KCNB2: variants seen among roughly 807,000 people sequenced by gnomAD.
The protein encoded by KCNB2 is potassium voltage-gated channel subfamily B member 2.
A neutral mutation model predicts 61.5 loss-of-function variants in KCNB2; 15 were observed. The ratio of observed to expected loss-of-function variants is 0.24; its 90% CI spans 0.16 to 0.38. The LOEUF is 0.38. Among genes scored for constraint, KCNB2 ranks in the 10% least tolerant of loss-of-function variants. KCNB2 has a pLI of 1.00. For synonymous variants in KCNB2, 457 were observed against 446.0 expected, an observed-to-expected ratio of 1.02 and a Z score of -0.31; for missense variants, 828 against 1,125.2, an observed-to-expected ratio of 0.74 and a Z score of 3.78.
chr8:72,629,324 A>G (rs543267504), intron 2 of KCNB2, among the ~76,000 whole-genome samples: 33 of 152,306 alleles, frequency 2.2e-4, no homozygotes, highest in African/African-American at 7.5e-4. Flanking sequence ...CTCCGCTTCC[A>G]TCAGTCAGGT....
At position 72,936,635 on chromosome 8, in the gene KCNB2, A is replaced by G. The variant is rs1346287605; in HGVS notation, c.1280A>G (p.Gln427Arg). The change falls in exon 3 of 3, where the codon CAG becomes CGG. Residue 427 changes from glutamine (Q) to arginine (R), a missense_variant. Around this residue, in one of 4 missense-constraint regions of KCNB2, gnomAD observed 44 missense variants for 167.6 expected, o/e 0.26. Transcript: ENST00000523207. This position sits in a 1 kb window ranked among gnomAD's most constrained non-coding sequence, Gnocchi z 5.6. ...AATTTTTCTGAGTTTTACAAGGAGCAGAAACGCCAAGAGAAAGCAATTAAA... is the reference window on the plus strand; with the variant it reads ...AATTTTTCTGAGTTTTACAAGGAGCGGAAACGCCAAGAGAAAGCAATTAAA... ...VNNFSEFYKE[Q>R]KRQEKAIKRR... 6 of 1,614,216 alleles carry G rather than the reference A, an allele frequency of 3.7e-6. No individual in the cohort carries two copies. The highest frequency in any genetic ancestry group is 5.1e-6 in the Non-Finnish European group (6 of 1,180,030).
chr8:72,902,172 G>A (rs1038104407), intron 2 of KCNB2, among the ~76,000 whole-genome samples: 4 of 152,092 alleles, frequency 2.6e-5, no homozygotes, highest in African/African-American at 9.7e-5. Context: ...CAAGGTGGGG[G>A]TGGCACATAG....
intron 2 of KCNB2, among the ~76,000 whole-genome samples, chr8:72,859,256 C>T (rs1032348685): frequency 2.0e-5 from 3 of 152,096 alleles, no homozygotes; most frequent in Admixed American, 6.6e-5. Flanking sequence ...AGATTCCTCA[C>T]GTATAGCAAA....
intron 2 of KCNB2, among the ~76,000 whole-genome samples, chr8:72,890,843 A>G (rs371722088): frequency 2.0e-5 from 3 of 152,300 alleles, no homozygotes; most frequent in East Asian, 3.9e-4. Flanking sequence ...GTTACTGTCT[A>G]CTTAAATTGA....
At chr8:72,648,776 AAG>A (rs1806169426) in intron 2 of KCNB2, among the ~76,000 whole-genome samples, 1 of 152,144 alleles carries the variant, frequency 6.6e-6, no homozygotes, top group African/African-American at 2.4e-5. Flanking sequence ...GAAAAAAAGA[AAG>A]AAATTATAAT....
chr8:72,933,760 G>A (rs1379626342), intron 2 of KCNB2, among the ~76,000 whole-genome samples: 2 of 152,180 alleles, frequency 1.3e-5, no homozygotes, highest in African/African-American at 2.4e-5. Flanking sequence ...GAATCTATTA[G>A]CCAGGGATTT....
At chr8:72,796,717 G>GA (rs774173269) in intron 2 of KCNB2, among the ~76,000 whole-genome samples, 10 of 152,078 alleles carry the variant, frequency 6.6e-5, no homozygotes, top group Non-Finnish European at 1.0e-4. Context: ...ATGAATCAGG[G>GA]AAACAGTTTT....
chr8:72,619,006 G>C (rs1326879108), intron 2 of KCNB2: 1 of 318,472 alleles, frequency 3.1e-6, no homozygotes, highest in Non-Finnish European at 6.1e-6. Context: ...TTTGTTTTTA[G>C]AACATCCCTG....
intron 2 of KCNB2, among the ~76,000 whole-genome samples, chr8:72,841,361 C>CT (rs796222096): frequency 0.023 from 1,517 of 66,108 alleles, 51 homozygotes; most frequent in African/African-American, 0.075. Context: ...GTTTTCTTTT[C>CT]TTTTTTTTTT....
At chr8:72,601,727 C>T (rs1290730178) in intron 2 of KCNB2, among the ~76,000 whole-genome samples, 1 of 152,142 alleles carries the variant, frequency 6.6e-6, no homozygotes, top group Non-Finnish European at 1.5e-5. Flanking sequence ...CAAGGTAAGT[C>T]TAAACTCTTG....
chr8:72,702,018 T>C (rs1321450297), intron 2 of KCNB2, among the ~76,000 whole-genome samples: 1 of 152,182 alleles, frequency 6.6e-6, no homozygotes, highest in Non-Finnish European at 1.5e-5. Flanking sequence ...TTAGGTGTAT[T>C]TTCTAAGTTA....
chr8:72,704,545 G>T (rs1807187649), intron 2 of KCNB2, among the ~76,000 whole-genome samples: 1 of 149,468 alleles, frequency 6.7e-6, no homozygotes, highest in African/African-American at 2.5e-5. Flanking sequence ...GTGTATTGGT[G>T]AAACAGCCAA....
At chr8:72,733,482 C>T (rs1807784926) in intron 2 of KCNB2, among the ~76,000 whole-genome samples, 2 of 152,144 alleles carry the variant, frequency 1.3e-5, no homozygotes, top group African/African-American at 2.4e-5. Flanking sequence ...TCAGAGTCTA[C>T]TCTACCACTA....
chr8:72,810,197 A>G (rs1015401658), intron 2 of KCNB2, among the ~76,000 whole-genome samples: 3 of 152,228 alleles, frequency 2.0e-5, no homozygotes, highest in Non-Finnish European at 2.9e-5. Flanking sequence ...AACTTACCGC[A>G]GAGGGTTCAG....
chr8:72,539,934 T>C (rs1806166471), intron 1 of KCNB2, among the ~76,000 whole-genome samples: 1 of 152,136 alleles, frequency 6.6e-6, no homozygotes, highest in Non-Finnish European at 1.5e-5. Context: ...ATAATAAAAG[T>C]GAGATTGCTA....
intron 2 of KCNB2, among the ~76,000 whole-genome samples, chr8:72,626,849 TG>T (rs1396631980): frequency 6.6e-6 from 1 of 152,178 alleles, no homozygotes; most frequent in Admixed American, 6.5e-5. Flanking sequence ...AAAAGGTATT[TG>T]GGGGTCATGG....
intron 2 of KCNB2, among the ~76,000 whole-genome samples, chr8:72,900,796 C>T (rs999366822): frequency 1.2e-4 from 19 of 152,046 alleles, no homozygotes; most frequent in Non-Finnish European, 2.1e-4. Context: ...CAGTGAGATA[C>T]CGTCTCACAC....
chr8:72,637,633 T>G (rs1377863967), intron 2 of KCNB2, among the ~76,000 whole-genome samples: 1 of 152,130 alleles, frequency 6.6e-6, no homozygotes, highest in Non-Finnish European at 1.5e-5. Context: ...CTCTCTCACT[T>G]CTTTAAAAGC....
chr8:72,604,524 C>T (rs1398908085), intron 2 of KCNB2, among the ~76,000 whole-genome samples: 1 of 152,118 alleles, frequency 6.6e-6, no homozygotes, highest in East Asian at 1.9e-4. Flanking sequence ...GTCAACTTTG[C>T]AGTATTCTTA....
Sources: allele counts gnomAD v4.1 joint callset (sites outside exome capture counted in the v4.1 genomes callset), GRCh38; gene constraint gnomAD v4.1.1; regional missense constraint gnomAD v4.1.1; non-coding constraint Gnocchi (gnomAD v3.1); transcripts MANE v1.5; gene names NCBI Gene and HGNC (gene_info 2026-07-23, HGNC 2026-07-21).